DEUP1: variants seen among roughly 807,000 people sequenced by gnomAD.
The protein encoded by DEUP1 is deuterosome assembly protein 1.
In DEUP1, 82 loss-of-function variants were observed where a neutral mutation model predicts 87.4. That is an observed-to-expected ratio of 0.94 (90% CI 0.78 to 1.13). DEUP1 has a LOEUF of 1.13. DEUP1 is among the 50% of genes most tolerant of loss of function. DEUP1 has a pLI of 0.00. For missense variants in DEUP1, 663 were observed against 681.5 expected, an observed-to-expected ratio of 0.97 and a Z score of 0.30; for synonymous variants, 214 against 222.7, an observed-to-expected ratio of 0.96 and a Z score of 0.35.
intron 13 of DEUP1, among the ~76,000 whole-genome samples, chr11:93,418,786 T>G (rs1429511840): frequency 1.3e-5 from 2 of 152,046 alleles, no homozygotes; most frequent in African/African-American, 2.4e-5. Flanking sequence ...CCAACCCAAA[T>G]GTCCAACAAT....
At chr11:93,352,997 A>C (rs1292731545) in intron 2 of DEUP1, among the ~76,000 whole-genome samples, 1 of 152,110 alleles carries the variant, frequency 6.6e-6, no homozygotes, top group African/African-American at 2.4e-5. Flanking sequence ...TGCCTTCCCA[A>C]CAGTCCCCCA....
intron 5 of DEUP1, among the ~76,000 whole-genome samples, chr11:93,368,255 G>A (rs552248896): frequency 8.5e-5 from 13 of 152,206 alleles, no homozygotes; most frequent in Non-Finnish European, 1.6e-4. Context: ...AGTTAGTTCA[G>A]GCTGCTATAA....
At chr11:93,358,931 G>A (rs1358451931) in intron 4 of DEUP1, among the ~76,000 whole-genome samples, 1 of 152,084 alleles carries the variant, frequency 6.6e-6, no homozygotes, top group African/African-American at 2.4e-5. Flanking sequence ...GTAAACAGGG[G>A]TTTCGTGGAA....
rs983531035 is a variant in DEUP1, at chr11:93,372,499, C to G, written c.789+1219C>G. 8.5e-5 allele frequency among the ~76,000 whole-genome samples: 13 copies of G among 152,248 alleles called. No homozygotes were observed. In the East Asian group the frequency reaches 2.5e-3, roughly 30 times the overall value. Reference sequence around the variant, plus strand: ...CCCAGGGTCATTTCTTAGTCCTCAGCCAACTCCTCATTCCCCCACCGTGCC... The same window carrying G: ...CCCAGGGTCATTTCTTAGTCCTCAGGCAACTCCTCATTCCCCCACCGTGCC... On this transcript the variant is annotated intron_variant, in intron 7 of 13. Transcript: ENST00000298050.
intron 11 of DEUP1, among the ~76,000 whole-genome samples, chr11:93,406,811 C>T (rs1947293770): frequency 6.6e-6 from 1 of 151,698 alleles, no homozygotes; most frequent in Admixed American, 6.6e-5. Context: ...GCTAAGGATA[C>T]AAATAACACA....
intron 9 of DEUP1, among the ~76,000 whole-genome samples, chr11:93,391,094 A>C (rs1006999961): frequency 7.9e-5 from 12 of 151,772 alleles, no homozygotes; most frequent in Middle Eastern, 6.9e-3. Context: ...GAAAAAAAAA[A>C]AAAAAGCTTC....
At chr11:93,437,518 CA>C in intron 13 of DEUP1, 24 bp from the exon 14 acceptor site, 1 of 1,580,456 alleles carries the variant, frequency 6.3e-7, no homozygotes, top group Non-Finnish European at 8.6e-7. Flanking sequence ...ATTCCTCACT[CA>C]CTTTTCTTTC....
rs112123009 is a variant in DEUP1 at position 93,384,224 on chromosome 11, C to A, written c.790-1174C>A. On this transcript the variant is annotated intron_variant, in intron 7 of 13. Transcript: ENST00000298050. ...TCATTGCCATTGTAAGCCATTTAAA[C>A]TCTTCACCACTCTCAAAAATCACTC... Among the ~76,000 whole-genome samples the A allele has an allele frequency of 1.5e-3, 221 of 152,282 alleles. 1 individual carries two copies. Among genetic ancestry groups the A allele is most frequent in the African/African-American group, 5.1e-3 (211 of 41,556 alleles).
intron 11 of DEUP1, among the ~76,000 whole-genome samples, chr11:93,407,684 A>G (rs959259396): frequency 2.6e-5 from 4 of 151,966 alleles, no homozygotes; most frequent in Non-Finnish European, 4.4e-5. Flanking sequence ...TTATGTGCCC[A>G]TATATTAATA....
chr11:93,355,424 T>C lies in DEUP1; in HGVS notation c.83T>C (p.Met28Thr), dbSNP rs1444258896. 32 of 1,613,672 alleles carry C rather than the reference T, an allele frequency of 2.0e-5. No homozygotes were observed. The highest frequency in any genetic ancestry group is 2.6e-5 in the Non-Finnish European group (31 of 1,179,796). Reference protein sequence around the residue: ...LQELMEQIDIMVSNKKMDWER... With the variant: ...LQELMEQIDITVSNKKMDWER... Reference sequence around the variant, plus strand: ...GAATTAATGGAACAAATTGACATCATGGTAAGCAACAAGAAAATGGATTGG... The same window carrying C: ...GAATTAATGGAACAAATTGACATCACGGTAAGCAACAAGAAAATGGATTGG... The change falls in exon 3 of 14, where the codon ATG becomes ACG. Residue 28 changes from methionine (M) to threonine (T), a missense_variant. Met to Thr is a moderately conservative substitution (Grantham distance 81). Coordinates refer to ENST00000298050, the MANE Select transcript of DEUP1 (RefSeq NM_181645.4).
At chr11:93,401,392 G>T (rs1947113648) in intron 11 of DEUP1, among the ~76,000 whole-genome samples, 1 of 151,884 alleles carries the variant, frequency 6.6e-6, no homozygotes, top group Non-Finnish European at 1.5e-5. Context: ...GATTCAGTGT[G>T]ATCCCTATCA....
intron 13 of DEUP1, among the ~76,000 whole-genome samples, chr11:93,419,016 A>G (rs1418463689): frequency 8.1e-6 from 1 of 124,104 alleles, no homozygotes; most frequent in Non-Finnish European, 1.6e-5. Context: ...GGAACATCAC[A>G]CTCTGGGGAC....
chr11:93,362,224 A>C (rs1945208603), intron 4 of DEUP1, among the ~76,000 whole-genome samples: 1 of 152,056 alleles, frequency 6.6e-6, no homozygotes, highest in Admixed American at 6.5e-5. Context: ...GATGTCATTA[A>C]AATTTTAAAA....
chr11:93,348,441 G>C (rs1208234765), intron 2 of DEUP1, among the ~76,000 whole-genome samples: 2 of 152,190 alleles, frequency 1.3e-5, no homozygotes, highest in East Asian at 3.9e-4. Flanking sequence ...TTGTTAAATT[G>C]AGATCTAACT....
At chr11:93,334,494 A>G (rs1943648753) in intron 2 of DEUP1, among the ~76,000 whole-genome samples, 1 of 152,176 alleles carries the variant, frequency 6.6e-6, no homozygotes, top group Non-Finnish European at 1.5e-5. Flanking sequence ...GGTGATATGA[A>G]GAAAAATAAA....
At chr11:93,401,947 A>C (rs953343611) in intron 11 of DEUP1, among the ~76,000 whole-genome samples, 13 of 152,016 alleles carry the variant, frequency 8.6e-5, no homozygotes, top group African/African-American at 3.1e-4. Context: ...TAGTCTGAGC[A>C]AAGATTTTTT....
intron 7 of DEUP1, among the ~76,000 whole-genome samples, chr11:93,372,139 G>A (rs937986015): frequency 1.3e-5 from 2 of 151,756 alleles, no homozygotes; most frequent in South Asian, 2.1e-4. Flanking sequence ...CGTTTTAGCC[G>A]GGATGGTCTC....
intron 13 of DEUP1, among the ~76,000 whole-genome samples, chr11:93,426,994 T>TA (rs1157644297): frequency 2.1e-3 from 6 of 2,908 alleles, no homozygotes; most frequent in African/African-American, 3.0e-3. Context: ...TAGAGTATAA[T>TA]AAAAAAAAAA....
intron 4 of DEUP1, among the ~76,000 whole-genome samples, chr11:93,360,709 C>T (rs537057853): frequency 2.0e-5 from 3 of 151,602 alleles, no homozygotes; most frequent in South Asian, 2.1e-4. Context: ...AGAATCAGCT[C>T]GAAGATAATA....
Sources: allele counts gnomAD v4.1 joint callset (sites outside exome capture counted in the v4.1 genomes callset), GRCh38; gene constraint gnomAD v4.1.1; transcripts MANE v1.5; gene names NCBI Gene and HGNC (gene_info 2026-07-23, HGNC 2026-07-21).